The following SLCO1B3 variants were observed in gnomAD, a reference collection of about 807,000 sequenced individuals.
SLCO1B3 encodes the protein liver-specific organic anion transporter 2.
In SLCO1B3, 72 loss-of-function variants were observed where a neutral mutation model predicts 71.8. The observed-to-expected ratio is 1.00, with a 90% CI of 0.83 to 1.22. The LOEUF (loss-of-function observed/expected upper bound fraction) is 1.22, where lower values mean the gene tolerates loss of function less well. Ranked by LOEUF, SLCO1B3 falls within the 50% of genes most tolerant of loss-of-function variation. The pLI is 0.00. For synonymous variants in SLCO1B3, 298 were observed against 278.4 expected (o/e 1.07, Z -0.70); for missense variants, 911 against 819.7 (o/e 1.11, Z -1.36).
chr12:20,863,413 C>G (rs997374776), intron 8 of SLCO1B3, among the ~76,000 whole-genome samples: 1 of 152,106 alleles, frequency 6.6e-6, no homozygotes, highest in Non-Finnish European at 1.5e-5. Flanking sequence ...TTTGTCTTTA[C>G]TCTCAGAGCA....
At position 20,845,461 on chromosome 12, in the gene SLCO1B3, TCTC is replaced by T. The variant is rs1297108038; in HGVS notation, c.85-9564_85-9562del. Among the ~76,000 whole-genome samples the T allele has an allele frequency of 3.3e-5, 5 of 152,144 alleles. No homozygotes were observed. In the East Asian group the frequency reaches 9.6e-4, roughly 29 times the overall value. On this transcript the variant is annotated intron_variant, in intron 3 of 15. Coordinates refer to ENST00000381545, the MANE Select transcript of SLCO1B3 (RefSeq NM_019844.4). Reference sequence around the variant, plus strand: ...TGTGACTACCGCATTTGTCTCAACTTCTCCTTGTGTAAACTCACCCCAGCAACA... The same window carrying T: ...TGTGACTACCGCATTTGTCTCAACTTCTTGTGTAAACTCACCCCAGCAACA...
At chr12:20,869,928 G>A (rs1008649836) in intron 8 of SLCO1B3, among the ~76,000 whole-genome samples, 1 of 151,948 alleles carries the variant, frequency 6.6e-6, no homozygotes, top group Admixed American at 6.6e-5. Flanking sequence ...TTTATACCAG[G>A]TGCACGATTT....
chr12:20,844,126 A>G (rs1591757035), intron 3 of SLCO1B3, among the ~76,000 whole-genome samples: 2 of 152,026 alleles, frequency 1.3e-5, no homozygotes, highest in African/African-American at 2.4e-5. Context: ...TATATAGTAT[A>G]TAAGTTGTGT....
intron 3 of SLCO1B3, among the ~76,000 whole-genome samples, chr12:20,844,360 A>G (rs1258041375): frequency 1.3e-5 from 2 of 151,876 alleles, no homozygotes; most frequent in Non-Finnish European, 2.9e-5. Context: ...TGAGGTTGGG[A>G]GTTCAGGACC....
chr12:20,909,672 CT>C (rs537076872), intron 15 of SLCO1B3, among the ~76,000 whole-genome samples: 2 of 151,936 alleles, frequency 1.3e-5, no homozygotes, highest in African/African-American at 2.4e-5. Flanking sequence ...TCATCTTATC[CT>C]TTTGACAGTG....
chr12:20,892,580 A>G (rs974899558), intron 13 of SLCO1B3, among the ~76,000 whole-genome samples: 4 of 152,156 alleles, frequency 2.6e-5, no homozygotes, highest in East Asian at 3.9e-4. Context: ...GAAATTTTCT[A>G]TGTGGGTAAA....
chr12:20,818,315 C>T (rs1325092990), intron 3 of SLCO1B3, among the ~76,000 whole-genome samples: 1 of 152,110 alleles, frequency 6.6e-6, no homozygotes, highest in African/African-American at 2.4e-5. Context: ...AAATGCTTGA[C>T]TGATTTGACT....
rs999763056 is a variant in SLCO1B3 at position 20,862,761 on chromosome 12, T to C, written c.634T>C (p.Leu212=). ...EGHSSLYLGS[L]NAIGMIGPVI... is the part of the protein sequence containing the mutation. ...TTGTTTTGTAATACTTACAGGTAGT[T>C]TGAATGCAATAGGAATGATTGGTCC... Residue 212 remains leucine (L), a synonymous_variant, in exon 8 of 16, where the codon TTG becomes CTG. Coordinates refer to ENST00000381545, the MANE Select transcript of SLCO1B3 (RefSeq NM_019844.4). 13 of 1,606,126 alleles carry C rather than the reference T, an allele frequency of 8.1e-6. No individual in the cohort carries two copies. The African/African-American group carries it at 9.4e-5, about 12-fold the overall frequency.
chr12:20,870,971 T>C (rs1340017367), intron 8 of SLCO1B3, among the ~76,000 whole-genome samples: 1 of 152,198 alleles, frequency 6.6e-6, no homozygotes, highest in Non-Finnish European at 1.5e-5. Flanking sequence ...TCATTCTGTT[T>C]ATATAATGTA....
chr12:20,913,084 G>A (rs1866417199), intron 15 of SLCO1B3, among the ~76,000 whole-genome samples: 1 of 152,072 alleles, frequency 6.6e-6, no homozygotes, highest in East Asian at 1.9e-4. Context: ...GATGTAGTAG[G>A]TTACATCTGT....
intron 3 of SLCO1B3, among the ~76,000 whole-genome samples, chr12:20,828,633 G>GCACA (rs561409835): frequency 4.1e-5 from 6 of 147,276 alleles, no homozygotes; most frequent in African/African-American, 1.2e-4. Flanking sequence ...AAGCATAAAG[G>GCACA]CACACACACA....
At chr12:20,864,253 A>G (rs150345383) in intron 8 of SLCO1B3, among the ~76,000 whole-genome samples, 349 of 151,996 alleles carry the variant, frequency 2.3e-3, no homozygotes, top group African/African-American at 7.9e-3. Context: ...CATCAAGAGC[A>G]TGCCTTTATT....
At chr12:20,907,414 C>T (rs1316052231) in intron 15 of SLCO1B3, among the ~76,000 whole-genome samples, 4 of 125,730 alleles carry the variant, frequency 3.2e-5, no homozygotes, top group Non-Finnish European at 5.3e-5. Context: ...TTCTTTCCTT[C>T]CTTCCCTTCC....
At chr12:20,915,437 C>T (rs1866472158) in intron 15 of SLCO1B3, among the ~76,000 whole-genome samples, 1 of 152,092 alleles carries the variant, frequency 6.6e-6, no homozygotes, top group South Asian at 2.1e-4. Flanking sequence ...AATTTCCATC[C>T]CTGATATTCC....
chr12:20,823,565 T>C (rs914436763), intron 3 of SLCO1B3, among the ~76,000 whole-genome samples: 2 of 152,192 alleles, frequency 1.3e-5, no homozygotes, highest in Non-Finnish European at 2.9e-5. Flanking sequence ...ATTTTAGTAC[T>C]TTTACACTTG....
intron 3 of SLCO1B3, among the ~76,000 whole-genome samples, chr12:20,835,654 A>G (rs1864663723): frequency 6.6e-6 from 1 of 152,184 alleles, no homozygotes; most frequent in Non-Finnish European, 1.5e-5. Context: ...TGTCCATATC[A>G]GTATCAGTGT....
intron 3 of SLCO1B3, among the ~76,000 whole-genome samples, chr12:20,852,472 C>T (rs905337952): frequency 6.6e-6 from 1 of 152,096 alleles, no homozygotes; most frequent in African/African-American, 2.4e-5. Context: ...GAGCAAGACT[C>T]TGTAAAAATT....
At chr12:20,853,089 A>G (rs1865055788) in intron 3 of SLCO1B3, among the ~76,000 whole-genome samples, 1 of 152,126 alleles carries the variant, frequency 6.6e-6, no homozygotes, top group Non-Finnish European at 1.5e-5. Context: ...ATGTTAAACC[A>G]TCCTTGTATT....
chr12:20,900,512 CA>C (rs1431907705), intron 14 of SLCO1B3, among the ~76,000 whole-genome samples: 1 of 152,080 alleles, frequency 6.6e-6, no homozygotes, highest in African/African-American at 2.4e-5. Flanking sequence ...CTCCTATAAA[CA>C]ACATATGTAT....
Sources: allele counts gnomAD v4.1 joint callset (sites outside exome capture counted in the v4.1 genomes callset), GRCh38; gene constraint gnomAD v4.1.1; transcripts MANE v1.5; gene names NCBI Gene and HGNC (gene_info 2026-07-23, HGNC 2026-07-21).